Variants in C2CD2 observed in about 807,000 individuals in gnomAD.
C2CD2 encodes the protein C2 domain-containing protein 2.
A neutral mutation model predicts 74.3 loss-of-function variants in C2CD2; 43 were observed. The ratio of observed to expected loss-of-function variants is 0.58; its 90% confidence interval spans 0.45 to 0.75. The LOEUF (loss-of-function observed/expected upper bound fraction) is 0.75, where lower values mean the gene tolerates loss of function less well. Ranked by LOEUF, C2CD2 falls within the 30% of genes least tolerant of loss-of-function variation. The pLI, the probability that C2CD2 is intolerant of heterozygous loss-of-function variation, is 0.00. For missense variants in C2CD2, 801 were observed against 916.3 expected, an observed-to-expected ratio of 0.87 and a Z score of 1.63; for synonymous variants, 422 against 390.7, an observed-to-expected ratio of 1.08 and a Z score of -0.94.
At chr21:41,912,288 G>A (rs2065034197) in intron 7 of C2CD2, 44 bp downstream of exon 7, 1 of 1,251,414 alleles carries the variant, frequency 8.0e-7, no homozygotes, top group East Asian at 2.3e-5. Flanking sequence ...CTCCTGAACA[G>A]ACACGGCCGT....
intron 1 of C2CD2, among the ~76,000 whole-genome samples, chr21:41,947,097 T>TC (rs1685269944): frequency 2.0e-5 from 3 of 150,792 alleles, no homozygotes; most frequent in African/African-American, 4.9e-5. Flanking sequence ...TTTCTTTCTT[T>TC]CTTTCCTTTC....
chr21:41,889,279 T>C lies in C2CD2; in HGVS notation c.1936A>G (p.Met646Val). 6.2e-7 allele frequency: 1 copy of C among 1,614,148 alleles called. No individual in the cohort carries two copies. The highest frequency in any genetic ancestry group is 8.5e-7 in the Non-Finnish European group (1 of 1,180,014). The change falls in exon 14 of 14, where the codon ATG becomes GTG. Residue 646 changes from methionine (M) to valine (V), a missense_variant. By Grantham distance (21) the Met-to-Val change is conservative. Transcript: ENST00000380486. ...ACAAGGTCATTGTGTGACTGACTCATGCCTGGGTCTTTCTGTTGATGCCGC... is the reference window on the plus strand; with the variant it reads ...ACAAGGTCATTGTGTGACTGACTCACGCCTGGGTCTTTCTGTTGATGCCGC... Reference protein sequence around the residue: ...RRRHQQKDPGMSQSHNDLVFL... With the variant: ...RRRHQQKDPGVSQSHNDLVFL...
In C2CD2 at chr21:41,929,680, A is replaced by G. The variant is rs111784075; in HGVS notation, c.379-7595T>C. Reference sequence around the variant, plus strand: ...GAAAACAGACAACTAAAGCATGTCCAGGACTCCTGGCTCCACACCATGCCA... The same window carrying G: ...GAAAACAGACAACTAAAGCATGTCCGGGACTCCTGGCTCCACACCATGCCA... On this transcript the variant is annotated intron_variant, in intron 2 of 13. Transcript: ENST00000380486. The surrounding 1 kb of genome is among the most constrained non-coding windows in gnomAD (Gnocchi z 4.6). 2.6e-5 allele frequency among the ~76,000 whole-genome samples: 4 copies of G among 152,132 alleles called. No homozygotes were observed. The highest frequency in any genetic ancestry group is 9.7e-5 in the African/African-American group (4 of 41,366).
chr21:41,910,640 T>A (rs755195796), intron 7 of C2CD2, among the ~76,000 whole-genome samples: 16 of 152,196 alleles, frequency 1.1e-4, no homozygotes, highest in Non-Finnish European at 2.1e-4. Flanking sequence ...GGAATTTTGT[T>A]CAGTTTTCTA....
At chr21:41,912,271 T>C (rs962121679) in intron 7 of C2CD2, 61 bp downstream of exon 7, 2 of 969,630 alleles carry the variant, frequency 2.1e-6, no homozygotes, top group African/African-American at 3.2e-5. Context: ...GATTTCAGGA[T>C]TTGGCGCTCC....
intron 2 of C2CD2, among the ~76,000 whole-genome samples, chr21:41,938,704 T>C (rs1003258468): frequency 1.3e-5 from 2 of 151,968 alleles, no homozygotes; most frequent in Admixed American, 6.6e-5. Flanking sequence ...TCAAGGTTCA[T>C]CCACGTTATA....
chr21:41,926,613 G>T lies in C2CD2; in HGVS notation c.379-4528C>A. The T allele has an allele frequency of 1.0e-6, 1 of 984,382 alleles. No homozygotes were observed. The highest frequency in any genetic ancestry group is 1.2e-6 in the Non-Finnish European group (1 of 829,040). 61.0% of individuals were successfully genotyped at this position (984,382 alleles called of 1,614,324 possible). Reference sequence around the variant, plus strand: ...TATCTGGAAACTATTCCTTTGTTTAGACTTGGGGCCAAAAAATTCCAGGCA... The same window carrying T: ...TATCTGGAAACTATTCCTTTGTTTATACTTGGGGCCAAAAAATTCCAGGCA... On this transcript the variant is annotated intron_variant, in intron 2 of 13. Transcript: ENST00000380486. The surrounding 1 kb of genome is among the most constrained non-coding windows in gnomAD (Gnocchi z 8.0).
chr21:41,907,829 G>C (rs200271918), intron 8 of C2CD2, 45 bp from the exon 9 acceptor site: 3 of 1,612,478 alleles, frequency 1.9e-6, no homozygotes, highest in South Asian at 2.2e-5. Flanking sequence ...GATGTTTCCC[G>C]GGCTTCCGTG....
chr21:41,906,353 C>A (rs557029951), intron 10 of C2CD2, among the ~76,000 whole-genome samples: 2 of 152,064 alleles, frequency 1.3e-5, no homozygotes, highest in African/African-American at 4.8e-5. Context: ...TAATAGAGTT[C>A]GTGTTTTGTT....
chr21:41,906,145 T>C (rs1175549676), intron 10 of C2CD2, among the ~76,000 whole-genome samples: 2 of 152,232 alleles, frequency 1.3e-5, no homozygotes, highest in Non-Finnish European at 2.9e-5. Context: ...GTATGAATTT[T>C]GAGAAATAAA....
chr21:41,916,160 G>C (rs2065087858), intron 5 of C2CD2, among the ~76,000 whole-genome samples: 1 of 152,196 alleles, frequency 6.6e-6, no homozygotes, highest in Non-Finnish European at 1.5e-5. Flanking sequence ...ACTGGGGACA[G>C]AGCAATCTAC....
intron 7 of C2CD2, among the ~76,000 whole-genome samples, chr21:41,911,016 T>A (rs1376687588): frequency 6.6e-6 from 1 of 150,960 alleles, no homozygotes; most frequent in African/African-American, 2.4e-5. Flanking sequence ...AAAATAGGCA[T>A]CCTTCTCTTG....
In C2CD2 at chr21:41,886,990, TAAAAA is replaced by T. The variant is rs976845802; in HGVS notation, c.*2129_*2133del. On this transcript the variant is annotated 3_prime_UTR_variant, in exon 14 of 14. Coordinates refer to ENST00000380486, the MANE Select transcript of C2CD2 (RefSeq NM_015500.2). ...CATCTCGAAAAAAAAATTTTTTAAA[TAAAAA>T]AAAACTTCTGATATCCTTGCACTTG... The T allele has an allele frequency of 1.3e-5, 2 of 151,564 alleles. No individual in the cohort carries two copies. Among genetic ancestry groups the T allele is most frequent in the East Asian group, 3.9e-4 (2 of 5,164 alleles). The allele number at this position is 151,564 out of a possible 1,614,324, so 9.4% of individuals were successfully genotyped here. A position where few individuals can be genotyped will look rare whatever the true frequency, so the allele number is the denominator to read the frequency against.
At chr21:41,902,201 A>T (rs896559480) in intron 11 of C2CD2, among the ~76,000 whole-genome samples, 5 of 152,242 alleles carry the variant, frequency 3.3e-5, no homozygotes, top group African/African-American at 4.8e-5. Flanking sequence ...ACAAAAAAAA[A>T]ATATCTAACC....
chr21:41,944,336 C>T (rs112784461), intron 1 of C2CD2, among the ~76,000 whole-genome samples: 3,657 of 151,878 alleles, frequency 0.024, 49 homozygotes, highest in Middle Eastern at 0.051. Context: ...CATGGTGAAA[C>T]CCCGTCCCTA....
At chr21:41,941,420 C>G (rs1294554926) in intron 2 of C2CD2, among the ~76,000 whole-genome samples, 9 of 152,134 alleles carry the variant, frequency 5.9e-5, no homozygotes, top group Non-Finnish European at 1.3e-4. Flanking sequence ...ATTACAGAAG[C>G]TTTTATGCTT....
intron 1 of C2CD2, among the ~76,000 whole-genome samples, chr21:41,946,971 C>T (rs2065402703): frequency 6.6e-6 from 1 of 152,136 alleles, no homozygotes; most frequent in Non-Finnish European, 1.5e-5. Context: ...CAACTCAACG[C>T]CACAGGTACC....
chr21:41,899,080 C>G lies in C2CD2; in HGVS notation c.1843G>C (p.Glu615Gln). 6.2e-7 allele frequency: 1 copy of G among 1,613,946 alleles called. No homozygotes were observed. Among genetic ancestry groups the G allele is most frequent in the Non-Finnish European group, 8.5e-7 (1 of 1,180,010 alleles). The change falls in exon 13 of 14, where the codon GAG becomes CAG. Residue 615 changes from glutamate to glutamine, a missense_variant. Transcript: ENST00000380486. The surrounding 1 kb of genome is among the most constrained non-coding windows in gnomAD (Gnocchi z 4.4). ...TTATGCTTTTTGGCAGTGCCCGGCT[C>G]CAAGACACTCATGGAGCTCTCTGAC... ...ELSESSMSVL[E>Q]PGTAKKHKGG...
At chr21:41,943,561 C>T (rs184117463) in intron 1 of C2CD2, among the ~76,000 whole-genome samples, 16 of 152,286 alleles carry the variant, frequency 1.1e-4, no homozygotes, top group Admixed American at 4.6e-4. Context: ...AAACACACAG[C>T]CCCACAAGCT....
Sources: gnomAD v4.1 joint callset for allele counts (sites outside exome capture counted in the v4.1 genomes callset) on GRCh38, gnomAD v4.1.1 for gene constraint, Gnocchi (gnomAD v3.1) non-coding constraint, MANE v1.5 for transcripts, NCBI Gene and HGNC (gene_info 2026-07-23, HGNC 2026-07-21) for gene names.